SYTL3: variants seen among roughly 807,000 people sequenced by gnomAD.
The protein encoded by SYTL3 is synaptotagmin-like protein 3.
SYTL3 carries 88 observed loss-of-function variants against 82.1 expected under a neutral mutation model. The ratio of observed to expected loss-of-function variants is 1.07; its 90% CI spans 0.90 to 1.28. The LOEUF is 1.28. SYTL3 is among the 50% of genes most tolerant of loss of function. SYTL3 has a pLI of 0.00. For synonymous variants in SYTL3, 311 were observed against 289.4 expected (o/e 1.07, Z -0.76); for missense variants, 831 against 757.6 (o/e 1.10, Z -1.14).
At chr6:158,645,623 T>G (rs1462776310), upstream of SYTL3, among the ~76,000 whole-genome samples, 1 of 152,166 alleles carries the variant, frequency 6.6e-6, no homozygotes, top group African/African-American at 2.4e-5. Context: ...ACAACCCTTG[T>G]TATTTCTACC....
chr6:158,716,951 A>G (rs1257936360), intron 9 of SYTL3, among the ~76,000 whole-genome samples: 2 of 152,242 alleles, frequency 1.3e-5, no homozygotes, highest in African/African-American at 2.4e-5. Flanking sequence ...ACATTTTTTA[A>G]TATTTTGGAT....
chr6:158,669,526 G>T (rs761775107), intron 5 of SYTL3, among the ~76,000 whole-genome samples: 2 of 152,154 alleles, frequency 1.3e-5, no homozygotes, highest in Admixed American at 1.3e-4. Context: ...AAGGTGCAAC[G>T]GAGCTTATAT....
intron 5 of SYTL3, among the ~76,000 whole-genome samples, chr6:158,676,882 T>C (rs1272555731): frequency 3.2e-4 from 49 of 152,024 alleles, no homozygotes; most frequent in East Asian, 1.9e-3. Flanking sequence ...GTTAGAATGG[T>C]GATCATTAAA....
chr6:158,701,540 G>A (rs964329279), intron 6 of SYTL3, among the ~76,000 whole-genome samples: 75 of 105,678 alleles, frequency 7.1e-4, no homozygotes, highest in Middle Eastern at 4.3e-3. Context: ...TAGATGAAGA[G>A]CTGTTCTGGG....
At chr6:158,701,567 G>A in intron 6 of SYTL3, among the ~76,000 whole-genome samples, 1 of 149,200 alleles carries the variant, frequency 6.7e-6, no homozygotes, top group Non-Finnish European at 1.5e-5. Flanking sequence ...GAGGCGTGGG[G>A]AGAGGCACAA....
chr6:158,725,686 T>C, intron 11 of SYTL3, 49 bp downstream of exon 11: 1 of 1,597,648 alleles, frequency 6.3e-7, no homozygotes, highest in South Asian at 1.1e-5. Flanking sequence ...TTTTTGTTTT[T>C]TTGGAAAGCA....
Position 158,763,510 on chromosome 6 carries a change from G to A in SYTL3, c.1723+1G>A. 1.2e-6 allele frequency: 2 copies of A among 1,612,962 alleles called. No homozygotes were observed. Among genetic ancestry groups the A allele is most frequent in the Non-Finnish European group, 1.7e-6 (2 of 1,178,974 alleles). On this transcript the variant is annotated splice_donor_variant, in intron 17 of 17. Transcript: ENST00000611299. LOFTEE classifies it high-confidence loss of function. ...CTTGGAGGAACCAGACTTGGTTCAA[G>A]TAAGTCTGAGACATTGAGCCCAAAC...
intron 13 of SYTL3, among the ~76,000 whole-genome samples, chr6:158,755,514 A>G (rs1038435273): frequency 1.1e-4 from 17 of 152,216 alleles, no homozygotes; most frequent in Non-Finnish European, 2.2e-4. Flanking sequence ...CAGCCAAGCC[A>G]TTTGTGCCTG....
At chr6:158,713,655 G>T in intron 8 of SYTL3, 145 bp from the exon 9 acceptor site, 1 of 663,086 alleles carries the variant, frequency 1.5e-6, no homozygotes, top group East Asian at 2.7e-5. Flanking sequence ...ACACACCCAT[G>T]CCCACCTGCA....
intron 13 of SYTL3, among the ~76,000 whole-genome samples, chr6:158,755,906 G>A (rs1024923156): frequency 6.6e-6 from 1 of 152,132 alleles, no homozygotes; most frequent in Non-Finnish European, 1.5e-5. Context: ...CTGCAGTGTC[G>A]GCTACCAGAC....
intron 11 of SYTL3, 69 bp downstream of exon 11, chr6:158,725,706 A>C: frequency 6.4e-7 from 1 of 1,561,038 alleles, no homozygotes; most frequent in Non-Finnish European, 8.7e-7. Flanking sequence ...ATAATGTACA[A>C]GTCCTTATTT....
intron 12 of SYTL3, 51 bp from the exon 13 acceptor site, chr6:158,751,877 C>T (rs1788431447): frequency 7.3e-7 from 1 of 1,370,930 alleles, no homozygotes; most frequent in Non-Finnish European, 1.0e-6. Flanking sequence ...AACTCTTTAT[C>T]CACCCCTTTC....
At position 158,731,236 on chromosome 6, in the gene SYTL3, A is replaced by G. The variant is rs578156519; in HGVS notation, c.855+5599A>G. On this transcript the variant is annotated intron_variant, in intron 11 of 17. Coordinates refer to ENST00000611299, the MANE Select transcript of SYTL3 (RefSeq NM_001242394.2). ...GAGGCGGAGGTTGCAGTGAGCCGAG[A>G]TCACACTATTGTACTCCAGCCTGGG... Among the ~76,000 whole-genome samples the G allele has an allele frequency of 7.9e-5, 12 of 151,598 alleles. No homozygotes were observed. The South Asian group carries it at 2.5e-3, about 32-fold the overall frequency.
chr6:158,698,759 A>C (rs1377212275), intron 6 of SYTL3, among the ~76,000 whole-genome samples: 2 of 152,242 alleles, frequency 1.3e-5, no homozygotes, highest in East Asian at 3.8e-4. Context: ...TATGTCAGAT[A>C]CAGCAAAGTG....
In SYTL3 at chr6:158,752,062, T is replaced by G. The variant is rs201087258; in HGVS notation, c.1137+32T>G. 25 of 1,513,818 alleles carry G rather than the reference T, an allele frequency of 1.7e-5. No individual in the cohort carries two copies. The East Asian group carries it at 3.0e-4, about 18-fold the overall frequency. The allele number at this position is 1,513,818 out of a possible 1,614,324, so 93.8% of individuals were successfully genotyped here. A position where few individuals can be genotyped will look rare whatever the true frequency, so the allele number is the denominator to read the frequency against. ...GCTGGACAGATATTCCTGTGCAGAGTCCTCCCGAGCCCGGGTGGAGCGCCT... is the reference window on the plus strand; with the variant it reads ...GCTGGACAGATATTCCTGTGCAGAGGCCTCCCGAGCCCGGGTGGAGCGCCT... On this transcript the variant is annotated intron_variant, in intron 13 of 17. Transcript: ENST00000611299.
intron 12 of SYTL3, among the ~76,000 whole-genome samples, chr6:158,745,945 T>C (rs1787584378): frequency 6.6e-6 from 1 of 152,168 alleles, no homozygotes; most frequent in South Asian, 2.1e-4. Context: ...TGTGACAGAA[T>C]ACCATAGACC....
rs746609643 is a variant in SYTL3 at position 158,760,716 on chromosome 6, G to A, written c.1385G>A (p.Arg462Gln). 10 of 1,613,964 alleles carry A rather than the reference G, an allele frequency of 6.2e-6. No homozygotes were observed. The highest frequency in any genetic ancestry group is 4.0e-5 in the African/African-American group (3 of 74,902). ...CGGGCTAAGCTGGTTCTCCCTTCAC[G>A]GCCCAGAAAACTCCAAGAGGCTCAA... The part of the protein sequence containing the change: ...TVRAKLVLPS[R>Q]PRKLQEAQEG... The change falls in exon 15 of 18, where the codon CGG becomes CAG. Residue 462 changes from arginine to glutamine, a missense_variant. Arg to Gln is a conservative substitution (Grantham distance 43). Coordinates refer to ENST00000611299, the MANE Select transcript of SYTL3 (RefSeq NM_001242394.2).
intron 12 of SYTL3, among the ~76,000 whole-genome samples, chr6:158,747,869 ATTAT>A (rs1397660010): frequency 1.3e-5 from 2 of 152,252 alleles, no homozygotes; most frequent in Middle Eastern, 3.4e-3. Flanking sequence ...AGGTTTAAAA[ATTAT>A]TTATTAGTTA....
intron 13 of SYTL3, among the ~76,000 whole-genome samples, chr6:158,753,583 A>G (rs1033705633): frequency 6.6e-6 from 1 of 151,420 alleles, no homozygotes; most frequent in Non-Finnish European, 1.5e-5. Context: ...ACAAAAAATT[A>G]GCCGGGCGTG....
Sources: allele counts gnomAD v4.1 joint callset (sites outside exome capture counted in the v4.1 genomes callset), GRCh38; gene constraint gnomAD v4.1.1; transcripts MANE v1.5; gene names NCBI Gene and HGNC (gene_info 2026-07-23, HGNC 2026-07-21).